FBXO42: variants seen among roughly 807,000 people sequenced by gnomAD.
The protein encoded by FBXO42 is F-box protein 42.
A neutral mutation model predicts 71.7 loss-of-function variants in FBXO42; 12 were observed. The observed-to-expected ratio is 0.17, with a 90% CI of 0.11 to 0.27. FBXO42 has a LOEUF of 0.27. Ranked by LOEUF, FBXO42 falls within the 10% of genes least tolerant of loss-of-function variation. The pLI, the probability that FBXO42 is intolerant of heterozygous loss-of-function variation, is 1.00. For synonymous variants in FBXO42, 325 were observed against 327.5 expected, an observed-to-expected ratio of 0.99 and a Z score of 0.08; for missense variants, 707 against 911.9, an observed-to-expected ratio of 0.78 and a Z score of 2.89.
At chr1:16,339,120 T>C (rs896279653) in intron 1 of FBXO42, among the ~76,000 whole-genome samples, 22 of 151,870 alleles carry the variant, frequency 1.4e-4, no homozygotes, top group Non-Finnish European at 2.6e-4. Context: ...GTCATTTATC[T>C]TTTTTCTAGT....
At chr1:16,340,313 C>T (rs2082590066) in intron 1 of FBXO42, among the ~76,000 whole-genome samples, 2 of 151,384 alleles carry the variant, frequency 1.3e-5, no homozygotes, top group South Asian at 2.1e-4. Context: ...TCCAGAAAAC[C>T]TTTGGTAGTA....
intron 1 of FBXO42, among the ~76,000 whole-genome samples, chr1:16,328,886 C>T (rs543261303): frequency 5.3e-5 from 8 of 152,020 alleles, no homozygotes; most frequent in South Asian, 2.1e-4. Flanking sequence ...TGGGATTGGC[C>T]GGGTGCGGTG....
chr1:16,287,896 A>T (rs1569863743), intron 4 of FBXO42, among the ~76,000 whole-genome samples: 1 of 151,862 alleles, frequency 6.6e-6, no homozygotes, highest in Non-Finnish European at 1.5e-5. Flanking sequence ...AGGTGATGAA[A>T]CCCTGTCTCT....
chr1:16,326,038 G>GTGTGTGTGTGTGTGTGTGTCTGTGTGTC (rs1441951943), intron 1 of FBXO42, among the ~76,000 whole-genome samples: 1 of 146,862 alleles, frequency 6.8e-6, no homozygotes, highest in Non-Finnish European at 1.5e-5. Context: ...GTGTGTGTGT[G>GTGTGTGTGTGTGTGTGTGTCTGTGTGTC]TGTGTGTGTG....
At chr1:16,254,160 G>A (rs1210373053) in intron 6 of FBXO42, among the ~76,000 whole-genome samples, 3 of 152,090 alleles carry the variant, frequency 2.0e-5, no homozygotes, top group Non-Finnish European at 4.4e-5. Flanking sequence ...CTCTTTCCAC[G>A]AGGCCTCATC....
intron 4 of FBXO42, among the ~76,000 whole-genome samples, chr1:16,268,210 T>C (rs1286555517): frequency 6.6e-6 from 1 of 152,156 alleles, no homozygotes; most frequent in Non-Finnish European, 1.5e-5. Flanking sequence ...TAGCCTGGTG[T>C]CAAAACAGAA....
At chr1:16,333,434 A>G (rs2082521081) in intron 1 of FBXO42, among the ~76,000 whole-genome samples, 3 of 85,094 alleles carry the variant, frequency 3.5e-5, no homozygotes, top group South Asian at 8.3e-4. Flanking sequence ...GCAAATAGTG[A>G]GACCCCCCCC....
At chr1:16,263,582 G>A (rs1422196134) in intron 4 of FBXO42, among the ~76,000 whole-genome samples, 1 of 151,426 alleles carries the variant, frequency 6.6e-6, no homozygotes, top group African/African-American at 2.4e-5. Context: ...AATTAGCCCG[G>A]CATGGTGGTG....
At chr1:16,272,894 C>T (rs2100479776) in intron 4 of FBXO42, among the ~76,000 whole-genome samples, 1 of 152,294 alleles carries the variant, frequency 6.6e-6, no homozygotes, top group Non-Finnish European at 1.5e-5. Flanking sequence ...GAACAGGCAA[C>T]TGCAAAAATA....
chr1:16,247,637 T>A lies in FBXO42; in HGVS notation c.*3033A>T, dbSNP rs1162840417. 1 of 152,174 alleles carries A rather than the reference T, an allele frequency of 6.6e-6. No individual in the cohort carries two copies. 9.4% of individuals were successfully genotyped at this position (152,174 alleles called of 1,614,324 possible). A position where few individuals can be genotyped will look rare whatever the true frequency, so the allele number is the denominator to read the frequency against. On this transcript the variant is annotated 3_prime_UTR_variant, in exon 10 of 10. Transcript: ENST00000375592. ...CAGCTGTTGCTGTAAAACTCGAACATTAAAATCAAATCAATCCACAGACAG... is the reference window on the plus strand; with the variant it reads ...CAGCTGTTGCTGTAAAACTCGAACAATAAAATCAAATCAATCCACAGACAG...
chr1:16,306,817 G>C (rs1282034938), intron 2 of FBXO42, among the ~76,000 whole-genome samples: 1 of 152,142 alleles, frequency 6.6e-6, no homozygotes, highest in African/African-American at 2.4e-5. Context: ...TCCTACCTCT[G>C]CCTCCTGGGT....
At chr1:16,301,402 C>T (rs1006204918) in intron 3 of FBXO42, among the ~76,000 whole-genome samples, 7 of 152,008 alleles carry the variant, frequency 4.6e-5, no homozygotes, top group African/African-American at 1.7e-4. Flanking sequence ...GTGGCTCACA[C>T]CTGCAATCCC....
Position 16,251,680 on chromosome 1 carries a change from G to A in FBXO42, c.1144C>T (p.Leu382Phe), listed in dbSNP as rs1294550310. 9 of 1,614,116 alleles carry A rather than the reference G, an allele frequency of 5.6e-6. No individual in the cohort carries two copies. In the African/African-American group the frequency reaches 8.0e-5, roughly 14 times the overall value. ...PSPISATPPA[L>F]VPETREYRSQ... is the part of the protein sequence containing the mutation. ...CGGTACTCTCGGGTTTCAGGAACGA[G>A]AGCTGGAGGAGTGGCACTGATAGGT... is the stretch of plus-strand genomic sequence containing the variant. Residue 382 changes from leucine (L) to phenylalanine (F), a missense_variant, in exon 10 of 10, where the codon CTC (leucine) becomes TTC (phenylalanine). Around this residue, in one of 5 missense-constraint regions of FBXO42, gnomAD observed 482 missense variants for 587.1 expected, o/e 0.82. Transcript: ENST00000375592. This position sits in a 1 kb window ranked among gnomAD's most constrained non-coding sequence, Gnocchi z 4.5.
At chr1:16,319,240 C>A (rs1272383867) in intron 1 of FBXO42, among the ~76,000 whole-genome samples, 1 of 152,052 alleles carries the variant, frequency 6.6e-6, no homozygotes, top group African/African-American at 2.4e-5. Flanking sequence ...AGTGACAGAC[C>A]GGGGAGAGCA....
chr1:16,316,730 C>CAAAAAAAAAAAAAAAAA (rs71003274), intron 1 of FBXO42, among the ~76,000 whole-genome samples: 1 of 51,568 alleles, frequency 1.9e-5, no homozygotes. Flanking sequence ...GAAAGACTCT[C>CAAAAAAAAAAAAAAAAA]AAAAAAAAAA....
chr1:16,256,160 G>A (rs778701045), intron 5 of FBXO42, among the ~76,000 whole-genome samples: 1 of 152,148 alleles, frequency 6.6e-6, no homozygotes, highest in African/African-American at 2.4e-5. Flanking sequence ...GCTAACAAGC[G>A]CCACGTACTA....
At chr1:16,305,271 C>T (rs1279596431) in intron 3 of FBXO42, among the ~76,000 whole-genome samples, 4 of 151,922 alleles carry the variant, frequency 2.6e-5, no homozygotes, top group Admixed American at 1.3e-4. Context: ...ACCTGTGGGC[C>T]CAGCTACTCG....
chr1:16,335,869 CAAAA>C (rs59693692), intron 1 of FBXO42, among the ~76,000 whole-genome samples: 1 of 84,426 alleles, frequency 1.2e-5, no homozygotes. Flanking sequence ...TCCATCGCGC[CAAAA>C]AAAAAAAAAA....
At chr1:16,266,225 A>G (rs1024952044) in intron 4 of FBXO42, among the ~76,000 whole-genome samples, 6 of 151,986 alleles carry the variant, frequency 3.9e-5, no homozygotes, top group Non-Finnish European at 8.8e-5. Context: ...ACATATATAG[A>G]GTAAACATGT....
Sources: gnomAD v4.1 joint callset for allele counts (sites outside exome capture counted in the v4.1 genomes callset) on GRCh38, gnomAD v4.1.1 for gene constraint, gnomAD v4.1.1 regional missense constraint, Gnocchi (gnomAD v3.1) non-coding constraint, MANE v1.5 for transcripts, NCBI Gene and HGNC (gene_info 2026-07-23, HGNC 2026-07-21) for gene names.